Variants in VWA5A observed in about 807,000 individuals in gnomAD.
VWA5A encodes the protein von Willebrand factor A domain containing 5A, also known as von Willebrand factor A domain-containing protein 5A.
Under a neutral mutation model 84.6 loss-of-function variants are expected in VWA5A, and 77 were observed. The ratio of observed to expected loss-of-function variants is 0.91; its 90% CI spans 0.76 to 1.10. The LOEUF is 1.10. Among genes scored for constraint, VWA5A ranks in the 50% least tolerant of loss-of-function variants. VWA5A has a pLI of 0.00. For missense variants in VWA5A, 973 were observed against 963.0 expected, an observed-to-expected ratio of 1.01 and a Z score of -0.14; for synonymous variants, 334 against 350.1, an observed-to-expected ratio of 0.95 and a Z score of 0.51.
intron 11 of VWA5A, among the ~76,000 whole-genome samples, chr11:124,129,547 A>G (rs1591361041): frequency 6.6e-6 from 1 of 152,176 alleles, no homozygotes; most frequent in East Asian, 1.9e-4. Context: ...TAGTTTCAGA[A>G]GGAATGGTAC....
chr11:124,136,491 G>C, intron 13 of VWA5A, 83 bp from the exon 14 acceptor site: 2 of 1,457,072 alleles, frequency 1.4e-6, no homozygotes, highest in Non-Finnish European at 1.9e-6. Context: ...ACATTGTTTT[G>C]GGTACCTGCC....
Position 124,123,719 on chromosome 11 carries a change from T to C in VWA5A, c.1079T>C (p.Met360Thr), listed in dbSNP as rs1864970934. ...MEEALGRVKL[M>T]QADLGGTEIL... ...GAGGCTCTGGGGAGAGTGAAGCTTATGCAGGCCGACCTAGGGGGCACTGAA... is the reference window on the plus strand; with the variant it reads ...GAGGCTCTGGGGAGAGTGAAGCTTACGCAGGCCGACCTAGGGGGCACTGAA... The change falls in exon 10 of 19, where the codon ATG becomes ACG. Residue 360 changes from methionine to threonine, a missense_variant. Transcript: ENST00000456829. The C allele has an allele frequency of 2.5e-6, 4 of 1,613,660 alleles. No individual in the cohort carries two copies. The highest frequency in any genetic ancestry group is 3.4e-6 in the Non-Finnish European group (4 of 1,179,868).
intron 15 of VWA5A, 131 bp from the exon 16 acceptor site, chr11:124,141,467 G>A (rs922753154): frequency 1.7e-6 from 2 of 1,201,204 alleles, no homozygotes; most frequent in African/African-American, 1.5e-5. Context: ...GCATATGAGA[G>A]AAAAATAGCA....
chr11:124,124,017 A>G (rs1290146295), intron 10 of VWA5A, among the ~76,000 whole-genome samples: 1 of 152,114 alleles, frequency 6.6e-6, no homozygotes, highest in African/African-American at 2.4e-5. Flanking sequence ...TGCCACAATA[A>G]CTGAGATGCA....
intron 7 of VWA5A, among the ~76,000 whole-genome samples, chr11:124,121,505 G>T (rs1485548816): frequency 3.9e-5 from 6 of 151,900 alleles, no homozygotes; most frequent in African/African-American, 1.2e-4. Context: ...TAGCTCATCA[G>T]CTATTGTTAG....
intron 4 of VWA5A, 157 bp downstream of exon 4, chr11:124,118,032 A>C (rs542580841): frequency 7.7e-7 from 1 of 1,301,946 alleles, no homozygotes; most frequent in South Asian, 1.5e-5. Context: ...CATTTTTCTA[A>C]AATCATTTGG....
intron 12 of VWA5A, among the ~76,000 whole-genome samples, chr11:124,135,529 T>A (rs996725107): frequency 7.3e-6 from 1 of 136,088 alleles, no homozygotes; most frequent in African/African-American, 2.8e-5. Context: ...TTTCTTTTTT[T>A]TTTTTTTTTT....
At position 124,118,291 on chromosome 11, in the gene VWA5A, C is replaced by G. The variant is rs145376199; in HGVS notation, c.349C>G (p.Leu117Val). 6.2e-7 allele frequency: 1 copy of G among 1,614,168 alleles called. No individual in the cohort carries two copies. Among genetic ancestry groups the G allele is most frequent in the African/African-American group, 1.3e-5 (1 of 75,040 alleles). Residue 117 changes from leucine (L) to valine (V), a missense_variant, in exon 5 of 19, where the codon CTC (leucine) becomes GTC (valine). Leu to Val is a conservative substitution (Grantham distance 32). Coordinates refer to ENST00000456829, the MANE Select transcript of VWA5A (RefSeq NM_001130142.2). The stretch of plus-strand genomic sequence containing the variant: ...TGTCTTCTCTTGCAATGTGGGTAAC[C>G]TCCAACCTGGGTCGAAGGCGGCAGT... Reference protein sequence around the residue: ...RDVFSCNVGNLQPGSKAAVTL... With the variant: ...RDVFSCNVGNVQPGSKAAVTL...
rs1591358099 is a variant in VWA5A, at chr11:124,123,238, A to C, written c.930+109A>C. On this transcript the variant is annotated intron_variant, in intron 8 of 18. Coordinates refer to ENST00000456829, the MANE Select transcript of VWA5A (RefSeq NM_001130142.2). ...CTGAGAGAGCAGCACGACCACCCTGAGGCTAGCCTTGGAATGTAAGAAGGC... is the reference window on the plus strand; with the variant it reads ...CTGAGAGAGCAGCACGACCACCCTGCGGCTAGCCTTGGAATGTAAGAAGGC... 3.3e-6 allele frequency: 5 copies of C among 1,524,874 alleles called. No individual in the cohort carries two copies. The East Asian group carries it at 9.0e-5, about 27-fold the overall frequency. 94.5% of individuals were successfully genotyped at this position (1,524,874 alleles called of 1,614,324 possible).
intron 11 of VWA5A, among the ~76,000 whole-genome samples, chr11:124,130,629 C>G (rs1865082539): frequency 6.6e-6 from 1 of 152,088 alleles, no homozygotes; most frequent in Non-Finnish European, 1.5e-5. Context: ...TTTTGTAGGT[C>G]TCTAAGAATT....
chr11:124,131,605 G>T (rs1457400877), intron 11 of VWA5A, among the ~76,000 whole-genome samples: 1 of 151,668 alleles, frequency 6.6e-6, no homozygotes, highest in Admixed American at 6.6e-5. Context: ...TTATTTACTG[G>T]ATGTTTATTT....
intron 13 of VWA5A, 132 bp downstream of exon 13, chr11:124,136,425 A>G (rs1466743845): frequency 6.9e-7 from 1 of 1,448,018 alleles, no homozygotes; most frequent in Non-Finnish European, 9.4e-7. Context: ...CTTCCTTCCC[A>G]TCATTTCAGG....
intron 12 of VWA5A, 85 bp downstream of exon 12, chr11:124,135,119 G>C (rs1865154902): frequency 8.9e-7 from 1 of 1,118,358 alleles, no homozygotes; most frequent in African/African-American, 1.6e-5. Context: ...GTAAGGGCAG[G>C]GGTAGCAACT....
intron 11 of VWA5A, among the ~76,000 whole-genome samples, chr11:124,134,207 G>T (rs1865138964): frequency 6.6e-6 from 1 of 152,218 alleles, no homozygotes; most frequent in Non-Finnish European, 1.5e-5. Context: ...TACAAGCGTA[G>T]AGCATTGATC....
chr11:124,135,665 G>C (rs958086210), intron 12 of VWA5A, among the ~76,000 whole-genome samples: 1 of 147,358 alleles, frequency 6.8e-6, no homozygotes, highest in African/African-American at 2.5e-5. Flanking sequence ...TGAGTAGCTG[G>C]GACTACAGGC....
At chr11:124,140,936 T>C (rs533007494) in intron 15 of VWA5A, among the ~76,000 whole-genome samples, 1 of 152,296 alleles carries the variant, frequency 6.6e-6, no homozygotes, top group African/African-American at 2.4e-5. Flanking sequence ...AACAAGGTCT[T>C]CATGGCTTGG....
chr11:124,123,953 A>G, intron 10 of VWA5A, 149 bp downstream of exon 10: 5 of 1,225,492 alleles, frequency 4.1e-6, no homozygotes, highest in Non-Finnish European at 5.5e-6. Flanking sequence ...AAGATGATGC[A>G]TTTGTCTTCT....
chr11:124,121,491 T>G (rs529260302), intron 7 of VWA5A, among the ~76,000 whole-genome samples: 1 of 152,276 alleles, frequency 6.6e-6, no homozygotes, highest in Non-Finnish European at 1.5e-5. Context: ...TGTGATTTTT[T>G]TTTTAGCTCA....
In VWA5A at chr11:124,124,304, G is replaced by A. The variant is rs765887577; in HGVS notation, c.1232G>A (p.Arg411Lys). ...FSVIKEVRIN[R>K]QKHRCFSFGI... Reference sequence around the variant, plus strand: ...GTAATTAAAGAAGTTAGGATCAACAGACAGAAACACAGGTAGGAAGAAAAT... The same window carrying A: ...GTAATTAAAGAAGTTAGGATCAACAAACAGAAACACAGGTAGGAAGAAAAT... The change falls in exon 11 of 19, where the codon AGA (arginine) becomes AAA (lysine). Residue 411 changes from arginine to lysine, a missense_variant. Transcript: ENST00000456829. 2 of 1,614,036 alleles carry A rather than the reference G, an allele frequency of 1.2e-6. No homozygotes were observed. The highest frequency in any genetic ancestry group is 1.1e-5 in the South Asian group (1 of 91,034).
Sources: allele counts gnomAD v4.1 joint callset (sites outside exome capture counted in the v4.1 genomes callset), GRCh38; gene constraint gnomAD v4.1.1; transcripts MANE v1.5; gene names NCBI Gene and HGNC (gene_info 2026-07-23, HGNC 2026-07-21).